SDC1: variants seen among roughly 807,000 people sequenced by gnomAD.
The protein encoded by SDC1 is syndecan 1, also known as syndecan-1.
In SDC1, 14 loss-of-function variants were observed where a neutral mutation model predicts 29.7. The observed-to-expected ratio is 0.47, with a 90% CI of 0.31 to 0.74. The LOEUF is 0.74. Ranked by LOEUF, SDC1 falls within the 30% of genes least tolerant of loss-of-function variation. SDC1 has a pLI of 0.05. For synonymous variants in SDC1, 204 were observed against 175.5 expected (o/e 1.16, Z -1.29); for missense variants, 406 against 400.3 (o/e 1.01, Z -0.12).
chr2:20,222,506 C>T (rs1227211725), intron 1 of SDC1, among the ~76,000 whole-genome samples: 1 of 152,120 alleles, frequency 6.6e-6, no homozygotes, highest in African/African-American at 2.4e-5. Context: ...AAAAGAACAC[C>T]TAAGCTTCAA....
At position 20,203,178 on chromosome 2, in the gene SDC1, G is replaced by T; in HGVS notation, c.672C>A (p.Ala224=). ...ACTGGTTCCGGCGGTCAGGCTCCAC[G>T]GCCACTACAGCCGTATTCTCCCCCG... The part of the protein sequence containing the change: ...ETSGENTAVV[A]VEPDRRNQSP... The change falls in exon 4 of 5, where the codon GCC becomes GCA. Residue 224 remains alanine, a synonymous_variant. Transcript: ENST00000254351. 2.5e-6 allele frequency: 4 copies of T among 1,612,594 alleles called. No individual in the cohort carries two copies. Among genetic ancestry groups the T allele is most frequent in the Non-Finnish European group, 3.4e-6 (4 of 1,179,406 alleles).
At chr2:20,214,345 C>T (rs80296725) in intron 1 of SDC1, among the ~76,000 whole-genome samples, 2,749 of 152,134 alleles carry the variant, frequency 0.018, 83 homozygotes, top group African/African-American at 0.062. Context: ...CCCAGAGACA[C>T]GGGAAGGCAG....
chr2:20,202,463 C>T lies in SDC1; in HGVS notation c.*303G>A. ...GATCCCCCTCCCCTCCAGAGCTGGACCTGGGGAGAGGCTGCTTCAGTTTGG... is the reference window on the plus strand; with the variant it reads ...GATCCCCCTCCCCTCCAGAGCTGGATCTGGGGAGAGGCTGCTTCAGTTTGG... On this transcript the variant is annotated 3_prime_UTR_variant, in exon 5 of 5. Coordinates refer to ENST00000254351, the MANE Select transcript of SDC1 (RefSeq NM_002997.5). 1.7e-6 allele frequency: 1 copy of T among 594,204 alleles called. No homozygotes were observed. The allele number at this position is 594,204 out of a possible 1,614,324, so 36.8% of individuals were successfully genotyped here. A position where few individuals can be genotyped will look rare whatever the true frequency, so the allele number is the denominator to read the frequency against.
chr2:20,224,044 C>T lies in SDC1; in HGVS notation c.66+758G>A. On this transcript the variant is annotated intron_variant, in intron 1 of 4. Transcript: ENST00000254351. This position sits in a 1 kb window ranked among gnomAD's most constrained non-coding sequence, Gnocchi z 4.9. ...TTCCCGGGTCCCCTCGCGTGGAAGG[C>T]GCCTGCGCCTCGGCCGTGCCCGGCA... The T allele has an allele frequency of 3.9e-6, 1 of 253,188 alleles. No homozygotes were observed. The highest frequency in any genetic ancestry group is 2.8e-5 in the South Asian group (1 of 36,034). The allele number at this position is 253,188 out of a possible 1,614,324, so 15.7% of individuals were successfully genotyped here.
rs148046067 is a variant in SDC1 at position 20,206,097 on chromosome 2, A to G, written c.67-673T>C. Reference sequence around the variant, plus strand: ...GGCCCAGTTCCTGTCTATAGTAAAGACTGGGTGCAGGCCCTTTGGTCAGAG... The same window carrying G: ...GGCCCAGTTCCTGTCTATAGTAAAGGCTGGGTGCAGGCCCTTTGGTCAGAG... On this transcript the variant is annotated intron_variant, in intron 1 of 4. Coordinates refer to ENST00000254351, the MANE Select transcript of SDC1 (RefSeq NM_002997.5). Among the ~76,000 whole-genome samples, 954 of 152,308 alleles carry G rather than the reference A, an allele frequency of 6.3e-3. 10 individuals carry two copies. Among genetic ancestry groups the G allele is most frequent in the African/African-American group, 0.022 (911 of 41,570 alleles).
rs1389776344 is a variant in SDC1, at chr2:20,202,047, A to G, written c.*719T>C. 1.9e-6 allele frequency: 1 copy of G among 535,086 alleles called. No individual in the cohort carries two copies. The highest frequency in any genetic ancestry group is 3.7e-5 in the Admixed American group (1 of 27,346). The allele number at this position is 535,086 out of a possible 1,614,324, so 33.1% of individuals were successfully genotyped here. ...ACATGAGCGACAAACTCAAGAGACA[A>G]CACACAAACTAAGCCTACATTTTGG... On this transcript the variant is annotated 3_prime_UTR_variant, in exon 5 of 5. Coordinates refer to ENST00000254351, the MANE Select transcript of SDC1 (RefSeq NM_002997.5).
At chr2:20,205,859 G>A (rs1340576372) in intron 1 of SDC1, among the ~76,000 whole-genome samples, 3 of 152,214 alleles carry the variant, frequency 2.0e-5, no homozygotes, top group African/African-American at 7.2e-5. Flanking sequence ...TGCCGACCCA[G>A]CCCCACTGAG....
At chr2:20,220,332 C>T (rs1023546144) in intron 1 of SDC1, among the ~76,000 whole-genome samples, 7 of 152,080 alleles carry the variant, frequency 4.6e-5, no homozygotes, top group Admixed American at 1.3e-4. Flanking sequence ...GACAGTCTTG[C>T]GATGTATTCA....
chr2:20,222,241 G>C (rs745617565), intron 1 of SDC1, among the ~76,000 whole-genome samples: 1 of 152,116 alleles, frequency 6.6e-6, no homozygotes, highest in Non-Finnish European at 1.5e-5. Context: ...TGGTCCCCAG[G>C]GGGTTTCTGA....
Position 20,224,952 on chromosome 2 carries a change from C to A in SDC1, c.-85G>T. ...TTCGCGGGTTCCGCTGCTCGATGCT[C>A]TCTTGGGCGCCTGCCCAGCGCGCCG... On this transcript the variant is annotated 5_prime_UTR_variant, in exon 1 of 5. Transcript: ENST00000254351. The surrounding 1 kb of genome is among the most constrained non-coding windows in gnomAD (Gnocchi z 4.9). 8.4e-7 allele frequency: 1 copy of A among 1,192,150 alleles called. No homozygotes were observed. The highest frequency in any genetic ancestry group is 4.2e-5 in the South Asian group (1 of 23,758). The allele number at this position is 1,192,150 out of a possible 1,614,324, so 73.8% of individuals were successfully genotyped here. A position where few individuals can be genotyped will look rare whatever the true frequency, so the allele number is the denominator to read the frequency against.
At chr2:20,204,491 T>G (rs1457644673) in intron 2 of SDC1, among the ~76,000 whole-genome samples, 200 bp from the exon 3 acceptor site, 1 of 152,070 alleles carries the variant, frequency 6.6e-6, no homozygotes, top group East Asian at 1.9e-4. Flanking sequence ...CTTCCCATTG[T>G]GTGTGTCCAG....
chr2:20,207,450 C>T, intron 1 of SDC1: 1 of 967,308 alleles, frequency 1.0e-6, no homozygotes, highest in African/African-American at 1.8e-5. Context: ...GGTGCAGTGG[C>T]TCACGCCTGT....
At chr2:20,218,962 T>C (rs1677724961) in intron 1 of SDC1, among the ~76,000 whole-genome samples, 2 of 151,932 alleles carry the variant, frequency 1.3e-5, no homozygotes, top group Admixed American at 1.3e-4. Flanking sequence ...CACGAAGCCA[T>C]AAAAGCCAGG....
intron 1 of SDC1, among the ~76,000 whole-genome samples, chr2:20,218,202 C>T (rs1677693479): frequency 1.3e-5 from 2 of 152,350 alleles, no homozygotes; most frequent in South Asian, 4.1e-4. Flanking sequence ...AGGCAATGGC[C>T]TGCCACAGCC....
rs1224892842 is a variant in SDC1 at position 20,203,144 on chromosome 2, C to T, written c.706G>A (p.Asp236Asn). Residue 236 changes from aspartate (D) to asparagine (N), a missense_variant, in exon 4 of 5, where the codon GAT becomes AAT. Transcript: ENST00000254351. ...TGTGAGGCCCCCGTGGCCCCCTGATCCACTGGGGACTGGTTCCGGCGGTCA... is the reference window on the plus strand; with the variant it reads ...TGTGAGGCCCCCGTGGCCCCCTGATTCACTGGGGACTGGTTCCGGCGGTCA... ...EPDRRNQSPV[D>N]QGATGASQGL... The T allele has an allele frequency of 1.9e-6, 3 of 1,612,840 alleles. No individual in the cohort carries two copies. The highest frequency in any genetic ancestry group is 2.7e-5 in the African/African-American group (2 of 74,922).
At chr2:20,212,716 C>G (rs1371344432) in intron 1 of SDC1, among the ~76,000 whole-genome samples, 1 of 151,998 alleles carries the variant, frequency 6.6e-6, no homozygotes, top group Non-Finnish European at 1.5e-5. Flanking sequence ...TGGGCCCGGC[C>G]CAGGGCAGGA....
intron 1 of SDC1, among the ~76,000 whole-genome samples, chr2:20,221,126 G>A (rs1572474367): frequency 6.6e-6 from 1 of 152,292 alleles, no homozygotes; most frequent in East Asian, 1.9e-4. Flanking sequence ...GTAGAGGGGA[G>A]ACTGCAACAG....
Position 20,207,996 on chromosome 2 carries a change from A to G in SDC1, c.67-2572T>C, listed in dbSNP as rs1041517636. Reference sequence around the variant, plus strand: ...CTCCTGCTGCACCGCCTCCCCCAAGAGAAAGCTCAAGATGGGGCAGGGATG... The same window carrying G: ...CTCCTGCTGCACCGCCTCCCCCAAGGGAAAGCTCAAGATGGGGCAGGGATG... On this transcript the variant is annotated intron_variant, in intron 1 of 4. Coordinates refer to ENST00000254351, the MANE Select transcript of SDC1 (RefSeq NM_002997.5). 38 of 985,362 alleles carry G rather than the reference A, an allele frequency of 3.9e-5. No individual in the cohort carries two copies. In the Admixed American group the frequency reaches 2.3e-3, roughly 61 times the overall value. The allele number at this position is 985,362 out of a possible 1,614,324, so 61.0% of individuals were successfully genotyped here.
intron 1 of SDC1, chr2:20,208,220 G>T (rs1160246438): frequency 3.6e-6 from 2 of 560,892 alleles, no homozygotes; most frequent in Non-Finnish European, 4.5e-6. Flanking sequence ...CGCCAGGGAG[G>T]CCCCAACACG....
Sources: allele counts gnomAD v4.1 joint callset (sites outside exome capture counted in the v4.1 genomes callset), GRCh38; gene constraint gnomAD v4.1.1; non-coding constraint Gnocchi (gnomAD v3.1); transcripts MANE v1.5; gene names NCBI Gene and HGNC (gene_info 2026-07-23, HGNC 2026-07-21).